The following DPY19L2 variants were observed in gnomAD, a reference collection of about 807,000 sequenced individuals.
The protein encoded by DPY19L2 is dpy-19 like 2.
A neutral mutation model predicts 97.9 loss-of-function variants in DPY19L2; 34 were observed. The ratio of observed to expected loss-of-function variants is 0.35; its 90% CI spans 0.26 to 0.46. The LOEUF (loss-of-function observed/expected upper bound fraction) is 0.46, where lower values mean the gene tolerates loss of function less well. Ranked by LOEUF, DPY19L2 falls within the 20% of genes least tolerant of loss-of-function variation. The pLI, the probability that DPY19L2 is intolerant of heterozygous loss-of-function variation, is 1.00. For missense variants in DPY19L2, 623 were observed against 911.4 expected (o/e 0.68, Z 4.07); for synonymous variants, 230 against 307.9 (o/e 0.75, Z 2.65).
chr12:63,589,615 G>C (rs1882527839), intron 16 of DPY19L2, among the ~76,000 whole-genome samples: 1 of 151,830 alleles, frequency 6.6e-6, no homozygotes, highest in Non-Finnish European at 1.5e-5. Context: ...TATGTAAATA[G>C]ACACTTATGA....
At chr12:63,630,807 A>G (rs1890483949) in intron 6 of DPY19L2, among the ~76,000 whole-genome samples, 1 of 152,186 alleles carries the variant, frequency 6.6e-6, no homozygotes, top group African/African-American at 2.4e-5. Context: ...AATTAACCAC[A>G]TAGTTGGAAG....
At chr12:63,602,689 T>G (rs564857106) in intron 12 of DPY19L2, among the ~76,000 whole-genome samples, 96 of 152,016 alleles carry the variant, frequency 6.3e-4, no homozygotes, top group Non-Finnish European at 8.5e-4. Flanking sequence ...ACAGAAGAAT[T>G]TGGCTAGCAT....
chr12:63,592,053 G>T (rs1306037462), intron 16 of DPY19L2, among the ~76,000 whole-genome samples: 7 of 74,064 alleles, frequency 9.5e-5, no homozygotes, highest in Non-Finnish European at 1.6e-4. Flanking sequence ...GGGAACGGAA[G>T]GGAAGGGAAG....
At chr12:63,587,708 G>C (rs1402194537) in intron 16 of DPY19L2, among the ~76,000 whole-genome samples, 1 of 151,796 alleles carries the variant, frequency 6.6e-6, no homozygotes, top group Admixed American at 6.6e-5. Context: ...GAGTAGCTGC[G>C]ATTACAGGTG....
At chr12:63,615,991 C>T (rs1287784502) in intron 11 of DPY19L2, among the ~76,000 whole-genome samples, 1 of 152,100 alleles carries the variant, frequency 6.6e-6, no homozygotes, top group Non-Finnish European at 1.5e-5. Flanking sequence ...CAGTATACAA[C>T]TATTTGCATA....
At chr12:63,632,255 G>A (rs1436779670) in intron 6 of DPY19L2, among the ~76,000 whole-genome samples, 1 of 152,110 alleles carries the variant, frequency 6.6e-6, no homozygotes, top group Non-Finnish European at 1.5e-5. Flanking sequence ...TATTCAATTA[G>A]GAAAAGAGGA....
intron 16 of DPY19L2, among the ~76,000 whole-genome samples, chr12:63,589,012 C>G (rs993666988): frequency 4.6e-5 from 7 of 151,980 alleles, no homozygotes; most frequent in African/African-American, 1.4e-4. Flanking sequence ...CTTGGCCTCC[C>G]AAAATGCTGG....
rs150017843 is a variant in DPY19L2, at chr12:63,585,389, G to C, written c.1581-1553C>G. ...GAAGGTCTCTTAAGGTAGTAATGGA[G>C]TCCAAATTATTCTATGTCCCTTGTA... On this transcript the variant is annotated intron_variant, in intron 16 of 21. Transcript: ENST00000324472. 2.5e-3 allele frequency among the ~76,000 whole-genome samples: 385 copies of C among 152,212 alleles called. 3 individuals are homozygous for C. The highest frequency in any genetic ancestry group is 4.3e-3 in the Non-Finnish European group (290 of 68,010).
chr12:63,594,190 T>A, intron 15 of DPY19L2, 57 bp from the exon 16 acceptor site: 2 of 1,258,922 alleles, frequency 1.6e-6, no homozygotes, highest in Non-Finnish European at 2.2e-6. Context: ...ATATTTAAAA[T>A]GCTCTGATTC....
At chr12:63,644,543 A>G (rs758325983) in intron 5 of DPY19L2, 47 bp from the exon 6 acceptor site, 17 of 1,590,024 alleles carry the variant, frequency 1.1e-5, no homozygotes, top group Non-Finnish European at 1.4e-5. Flanking sequence ...ATATGACTCT[A>G]AGGCAATTGG....
rs1555189197 is a variant in DPY19L2 at position 63,594,464 on chromosome 12, A to AGAGTGTGTGTGTGT, written c.1534-332_1534-331insACACACACACACTC. Among the ~76,000 whole-genome samples the AGAGTGTGTGTGTGT allele has an allele frequency of 8.6e-3, 1,075 of 124,992 alleles. 27 individuals carry two copies. Among genetic ancestry groups the AGAGTGTGTGTGTGT allele is most frequent in the African/African-American group, 0.017 (477 of 28,214 alleles). 82.0% of individuals were successfully genotyped at this position (124,992 alleles called of 152,430 possible). The stretch of plus-strand genomic sequence containing the variant: ...CTGCAGGGATGAGAGAGAGAGAGAT[A>AGAGTGTGTGTGTGT]GTGTGTGTGTGTGTGTGTGTGTGTG... On this transcript the variant is annotated intron_variant, in intron 15 of 21. Transcript: ENST00000324472.
intron 4 of DPY19L2, chr12:63,651,929 G>A: frequency 2.6e-6 from 1 of 383,936 alleles, no homozygotes; most frequent in Non-Finnish European, 4.4e-6. Flanking sequence ...TCCCTTCCCA[G>A]AAGTGGAACT....
intron 21 of DPY19L2, among the ~76,000 whole-genome samples, chr12:63,566,349 TATA>T (rs1877699255): frequency 6.6e-6 from 1 of 152,116 alleles, no homozygotes; most frequent in Non-Finnish European, 1.5e-5. Context: ...TGAACATTTG[TATA>T]ATATCACAGC....
intron 9 of DPY19L2, among the ~76,000 whole-genome samples, chr12:63,618,869 G>C (rs1308681985): frequency 2.6e-5 from 4 of 152,076 alleles, no homozygotes; most frequent in African/African-American, 9.7e-5. Context: ...TAACATGATA[G>C]AAATAGATCC....
chr12:63,660,529 T>C (rs1895541725), intron 4 of DPY19L2, among the ~76,000 whole-genome samples: 1 of 151,984 alleles, frequency 6.6e-6, no homozygotes, highest in Admixed American at 6.6e-5. Flanking sequence ...TGATTTTAAC[T>C]GTATTTATAA....
intron 4 of DPY19L2, among the ~76,000 whole-genome samples, chr12:63,655,488 A>C: frequency 6.6e-6 from 1 of 152,114 alleles, no homozygotes; most frequent in Non-Finnish European, 1.5e-5. Context: ...ACAGCTAGGA[A>C]ATACATAATG....
At chr12:63,607,688 A>G (rs555438339) in intron 12 of DPY19L2, among the ~76,000 whole-genome samples, 1 of 152,270 alleles carries the variant, frequency 6.6e-6, no homozygotes, top group South Asian at 2.1e-4. Flanking sequence ...CCCAGGGTGG[A>G]GTGCAATGGG....
At chr12:63,653,742 T>C (rs4107939) in intron 4 of DPY19L2, among the ~76,000 whole-genome samples, 5,120 of 152,080 alleles carry the variant, frequency 0.034, 148 homozygotes, top group African/African-American at 0.072. Flanking sequence ...ACATTATACT[T>C]TGATACACTT....
intron 19 of DPY19L2, among the ~76,000 whole-genome samples, chr12:63,575,113 T>C (rs187910887): frequency 1.3e-3 from 189 of 143,900 alleles, no homozygotes; most frequent in African/African-American, 4.3e-3. Context: ...GACAATATAA[T>C]GTATCTTCTC....
Sources: allele counts gnomAD v4.1 joint callset (sites outside exome capture counted in the v4.1 genomes callset), GRCh38; gene constraint gnomAD v4.1.1; transcripts MANE v1.5; gene names NCBI Gene and HGNC (gene_info 2026-07-23, HGNC 2026-07-21).